The following COLGALT2 variants were observed in gnomAD, a reference collection of about 807,000 sequenced individuals.
The protein encoded by COLGALT2 is procollagen galactosyltransferase 2.
In COLGALT2, 49 loss-of-function variants were observed where a neutral mutation model predicts 73.4. That is an observed-to-expected ratio of 0.67 (90% CI 0.53 to 0.85). The LOEUF (loss-of-function observed/expected upper bound fraction) is 0.85, where lower values mean the gene tolerates loss of function less well. COLGALT2 is among the 40% of genes least tolerant of loss of function. The pLI is 0.00. For missense variants in COLGALT2, 722 were observed against 790.2 expected, an observed-to-expected ratio of 0.91 and a Z score of 1.03; for synonymous variants, 295 against 307.6, an observed-to-expected ratio of 0.96 and a Z score of 0.43.
At chr1:184,013,202 C>T (rs1648181577) in intron 1 of COLGALT2, among the ~76,000 whole-genome samples, 1 of 152,162 alleles carries the variant, frequency 6.6e-6, no homozygotes, top group Non-Finnish European at 1.5e-5. Context: ...GTAATCCCAG[C>T]TACTCAGGAG....
At chr1:183,985,520 G>C (rs915096636) in intron 1 of COLGALT2, among the ~76,000 whole-genome samples, 1 of 152,098 alleles carries the variant, frequency 6.6e-6, no homozygotes, top group African/African-American at 2.4e-5. Flanking sequence ...TGATCCACCC[G>C]CCTCAACCTC....
intron 2 of COLGALT2, among the ~76,000 whole-genome samples, chr1:183,978,125 A>G (rs1273863034): frequency 6.6e-6 from 1 of 152,222 alleles, no homozygotes; most frequent in Non-Finnish European, 1.5e-5. Flanking sequence ...AAGTTTGTTT[A>G]AAATATGAAT....
chr1:183,965,295 C>T (rs1006484936), intron 5 of COLGALT2, among the ~76,000 whole-genome samples: 14 of 152,126 alleles, frequency 9.2e-5, no homozygotes, highest in African/African-American at 3.1e-4. Flanking sequence ...TTAGGCAAAC[C>T]ATTTTACCAT....
At chr1:183,931,806 AAAAAAG>A (rs1445501885), downstream of COLGALT2, among the ~76,000 whole-genome samples, 21 of 152,000 alleles carry the variant, frequency 1.4e-4, no homozygotes, top group South Asian at 4.2e-4. Context: ...TAAAAAAAAA[AAAAAAG>A]AAGAAGAAGA....
chr1:183,995,496 C>T (rs1253499979), intron 1 of COLGALT2, among the ~76,000 whole-genome samples: 1 of 152,230 alleles, frequency 6.6e-6, no homozygotes, highest in Non-Finnish European at 1.5e-5. Context: ...GGAGAAATCC[C>T]TAGGCAGCTT....
chr1:183,960,783 T>C lies in COLGALT2; in HGVS notation c.952+3118A>G, dbSNP rs577738808. ...TTTTTGTGATTTTTTTTTTAGCTCA[T>C]CAGCTATTGTTGTGTTAGTATATTT... is the stretch of plus-strand genomic sequence containing the variant. On this transcript the variant is annotated intron_variant, in intron 6 of 11. Coordinates refer to ENST00000361927, the MANE Select transcript of COLGALT2 (RefSeq NM_015101.4). 2.0e-5 allele frequency among the ~76,000 whole-genome samples: 3 copies of C among 152,300 alleles called. No homozygotes were observed. In the East Asian group the frequency reaches 5.8e-4, roughly 29 times the overall value.
At chr1:184,029,830 T>C (rs1423449576) in intron 1 of COLGALT2, among the ~76,000 whole-genome samples, 13 of 152,198 alleles carry the variant, frequency 8.5e-5, no homozygotes, top group Non-Finnish European at 1.5e-5. Context: ...CTGGCTTTTA[T>C]TGTGCCACCC....
intron 4 of COLGALT2, among the ~76,000 whole-genome samples, chr1:183,973,151 G>T (rs543155165): frequency 7.2e-5 from 11 of 152,306 alleles, no homozygotes; most frequent in Non-Finnish European, 1.2e-4. Context: ...TAAAGGTTAA[G>T]TAAATTGGAA....
At chr1:184,035,569 A>G (rs1330793712) in intron 1 of COLGALT2, among the ~76,000 whole-genome samples, 1 of 152,242 alleles carries the variant, frequency 6.6e-6, no homozygotes, top group Non-Finnish European at 1.5e-5. Flanking sequence ...CTGTATGATA[A>G]AAAGAGGTAA....
At chr1:183,975,352 T>TCTGTAATATGGGG in intron 2 of COLGALT2, 138 bp from the exon 3 acceptor site, 1 of 579,630 alleles carries the variant, frequency 1.7e-6, no homozygotes, top group Non-Finnish European at 3.0e-6. Flanking sequence ...ATCATCCCCA[T>TCTGTAATATGGGG]ATTACAGATG....
intron 1 of COLGALT2, among the ~76,000 whole-genome samples, chr1:184,013,514 G>A (rs1409896322): frequency 6.6e-6 from 1 of 152,188 alleles, no homozygotes; most frequent in African/African-American, 2.4e-5. Context: ...GCCAGAGAGA[G>A]TTGTGGCCCT....
At chr1:183,975,839 T>A (rs1671175272) in intron 2 of COLGALT2, among the ~76,000 whole-genome samples, 1 of 152,214 alleles carries the variant, frequency 6.6e-6, no homozygotes, top group Non-Finnish European at 1.5e-5. Context: ...TCCAAAACCC[T>A]TCTGAAGGCA....
intron 1 of COLGALT2, among the ~76,000 whole-genome samples, chr1:184,036,479 G>A (rs1372678508): frequency 6.6e-6 from 1 of 152,220 alleles, no homozygotes; most frequent in African/African-American, 2.4e-5. Context: ...GCCCACGGTG[G>A]TGCCATGGTT....
downstream of COLGALT2, among the ~76,000 whole-genome samples, chr1:183,932,451 T>C (rs1669866875): frequency 6.6e-6 from 1 of 152,094 alleles, no homozygotes; most frequent in Non-Finnish European, 1.5e-5. Context: ...AGGGAAGTCA[T>C]GTCTTCAAAG....
intron 7 of COLGALT2, among the ~76,000 whole-genome samples, chr1:183,953,671 A>T (rs1670474056): frequency 6.6e-6 from 1 of 152,128 alleles, no homozygotes; most frequent in Non-Finnish European, 1.5e-5. Context: ...AATGAGTCTT[A>T]TTCCTCTCTA....
At chr1:184,007,313 T>A (rs375436197) in intron 1 of COLGALT2, among the ~76,000 whole-genome samples, 2 of 152,208 alleles carry the variant, frequency 1.3e-5, no homozygotes, top group East Asian at 1.9e-4. Flanking sequence ...CTTTTATTAT[T>A]GTATGTGTTC....
chr1:183,999,465 CCT>C (rs1350648247), intron 1 of COLGALT2, among the ~76,000 whole-genome samples: 3 of 152,024 alleles, frequency 2.0e-5, no homozygotes, highest in Admixed American at 6.5e-5. Context: ...GTTATGTTAA[CCT>C]CACGAAATAA....
Position 183,938,386 on chromosome 1 carries a change from C to T in COLGALT2, c.*375G>A, listed in dbSNP as rs1670018197. On this transcript the variant is annotated 3_prime_UTR_variant, in exon 12 of 12. Transcript: ENST00000361927. ...CTAGTTGGCCTGGCTGCCTTGACTACATATTTGCTGATGTGACAGCTCGGT... is the reference window on the plus strand; with the variant it reads ...CTAGTTGGCCTGGCTGCCTTGACTATATATTTGCTGATGTGACAGCTCGGT... 1.3e-5 allele frequency: 14 copies of T among 1,053,112 alleles called. 1 individual carries two copies. The South Asian group carries it at 4.7e-4, about 35-fold the overall frequency. The allele number at this position is 1,053,112 out of a possible 1,614,324, so 65.2% of individuals were successfully genotyped here.
intron 5 of COLGALT2, chr1:183,964,303 A>T (rs1670804391): frequency 1.2e-5 from 5 of 401,214 alleles, no homozygotes. Context: ...TGAACAAAAA[A>T]GGCATGAAAG....
Sources: gnomAD v4.1 joint callset for allele counts (sites outside exome capture counted in the v4.1 genomes callset) on GRCh38, gnomAD v4.1.1 for gene constraint, MANE v1.5 for transcripts, NCBI Gene and HGNC (gene_info 2026-07-23, HGNC 2026-07-21) for gene names.